Variants in WDR72 observed in about 807,000 individuals in gnomAD.
WDR72 encodes the protein WD repeat-containing protein 72.
WDR72 carries 120 observed loss-of-function variants against 124.2 expected under a neutral mutation model. The observed-to-expected ratio is 0.97, with a 90% CI of 0.83 to 1.12. WDR72 has a LOEUF of 1.12. Ranked by LOEUF, WDR72 falls within the 50% of genes most tolerant of loss-of-function variation. WDR72 has a pLI of 0.00. For missense variants in WDR72, 1,387 were observed against 1,278.8 expected (o/e 1.08, Z -1.29); for synonymous variants, 452 against 441.7 (o/e 1.02, Z -0.29).
At chr15:53,665,896 G>T in intron 13 of WDR72, 128 bp from the exon 14 acceptor site, 2 of 872,918 alleles carry the variant, frequency 2.3e-6, no homozygotes, top group Non-Finnish European at 3.6e-6. Context: ...TCTTGCAACT[G>T]AAAAATAGCC....
At chr15:53,741,607 T>C (rs1310050773) in intron 1 of WDR72, among the ~76,000 whole-genome samples, 2 of 152,310 alleles carry the variant, frequency 1.3e-5, no homozygotes. Context: ...TATTATGCTA[T>C]CATTATATTA....
intron 18 of WDR72, among the ~76,000 whole-genome samples, chr15:53,562,820 T>C (rs1894170771): frequency 6.6e-6 from 1 of 151,780 alleles, no homozygotes; most frequent in Admixed American, 6.6e-5. Context: ...TGGCAGGCAA[T>C]GCAGGTATTC....
In WDR72 at chr15:53,733,019, C is replaced by T. The variant is rs2018246692; in HGVS notation, c.131G>A (p.Trp44Ter). Residue 44 changes from tryptophan (W) to a stop codon, truncating the protein, a stop_gained, in exon 2 of 20, where the codon TGG becomes TAG. Coordinates refer to ENST00000360509, the MANE Select transcript of WDR72 (RefSeq NM_182758.4). LOFTEE classifies it high-confidence loss of function. ...TGSQEGQLCL[W>*]NLSHELKISA... ...AACCTTTAGTTCATGTGAGAGATTCCAGAGACAGAGCTGACCCTCTTGACT... is the reference window on the plus strand; with the variant it reads ...AACCTTTAGTTCATGTGAGAGATTCTAGAGACAGAGCTGACCCTCTTGACT... The T allele has an allele frequency of 4.3e-6, 7 of 1,613,836 alleles. No homozygotes were observed. The South Asian group carries it at 6.6e-5, about 15-fold the overall frequency.
At chr15:53,646,315 C>A (rs2015039671) in intron 14 of WDR72, among the ~76,000 whole-genome samples, 1 of 151,968 alleles carries the variant, frequency 6.6e-6, no homozygotes. Flanking sequence ...TATAAAACCC[C>A]CGTAACTCAT....
intron 14 of WDR72, among the ~76,000 whole-genome samples, chr15:53,649,287 C>T (rs2015149491): frequency 6.6e-6 from 1 of 151,996 alleles, no homozygotes; most frequent in Non-Finnish European, 1.5e-5. Flanking sequence ...GACTGTATGG[C>T]CCACAAAACC....
At chr15:53,624,310 G>T (rs1018183895) in intron 14 of WDR72, among the ~76,000 whole-genome samples, 4 of 152,180 alleles carry the variant, frequency 2.6e-5, no homozygotes, top group Non-Finnish European at 5.9e-5. Context: ...TCTTCAAGGG[G>T]TATTTAAGAA....
intron 18 of WDR72, among the ~76,000 whole-genome samples, chr15:53,569,978 A>G (rs1894450957): frequency 1.3e-5 from 2 of 152,124 alleles, no homozygotes; most frequent in Admixed American, 1.3e-4. Context: ...GTGAGGTCAT[A>G]GTCCATTAAA....
chr15:53,685,797 G>C (rs1354878220), intron 13 of WDR72, among the ~76,000 whole-genome samples: 2 of 147,614 alleles, frequency 1.4e-5, no homozygotes, highest in Non-Finnish European at 1.5e-5. Flanking sequence ...AAAATGTTAA[G>C]GGCAGCCAGA....
intron 1 of WDR72, among the ~76,000 whole-genome samples, chr15:53,757,888 A>G (rs1356131179): frequency 6.6e-6 from 1 of 152,214 alleles, no homozygotes; most frequent in Non-Finnish European, 1.5e-5. Context: ...TGTATAAACT[A>G]GAACGTCAGA....
At chr15:53,577,351 C>T (rs2011669778) in intron 18 of WDR72, among the ~76,000 whole-genome samples, 1 of 152,104 alleles carries the variant, frequency 6.6e-6, no homozygotes, top group Admixed American at 6.6e-5. Flanking sequence ...ATTCTAGGTT[C>T]TATCATTGAA....
intron 17 of WDR72, among the ~76,000 whole-genome samples, chr15:53,598,270 T>C (rs1377847865): frequency 1.7e-5 from 2 of 117,444 alleles, no homozygotes; most frequent in Non-Finnish European, 4.2e-5. Flanking sequence ...GCCTTTCATA[T>C]AGCCACATCC....
chr15:53,613,449 T>C lies in WDR72; in HGVS notation c.2872+217A>G, dbSNP rs1906401. Among the ~76,000 whole-genome samples, 20,511 of 152,110 alleles carry C rather than the reference T, an allele frequency of 0.13. 1,736 individuals are homozygous for C. The highest frequency in any genetic ancestry group is 0.22 in the East Asian group (1,148 of 5,168). On this transcript the variant is annotated intron_variant, in intron 16 of 19. Coordinates refer to ENST00000360509, the MANE Select transcript of WDR72 (RefSeq NM_182758.4). Reference sequence around the variant, plus strand: ...TCTATGTTTTTAAATGTTTTATAAATGTCACCCACCTTATTTTCTAAATGA... The same window carrying C: ...TCTATGTTTTTAAATGTTTTATAAACGTCACCCACCTTATTTTCTAAATGA...
intron 13 of WDR72, among the ~76,000 whole-genome samples, chr15:53,688,014 C>G (rs954395164): frequency 3.5e-4 from 51 of 146,806 alleles, no homozygotes; most frequent in Non-Finnish European, 4.0e-4. Context: ...ATTCAACAAC[C>G]CTTCATGCTA....
At chr15:53,540,014 A>G in intron 18 of WDR72, among the ~76,000 whole-genome samples, 1 of 152,230 alleles carries the variant, frequency 6.6e-6, no homozygotes, top group Non-Finnish European at 1.5e-5. Context: ...TGCAAACCAA[A>G]GAGCAATAAA....
chr15:53,715,416 C>T (rs1309312555), intron 4 of WDR72, 49 bp from the exon 5 acceptor site: 1 of 1,604,242 alleles, frequency 6.2e-7, no homozygotes. Context: ...CTAAAATTAA[C>T]ATAATTTGGC....
chr15:53,658,074 T>C (rs538796900), intron 14 of WDR72, among the ~76,000 whole-genome samples: 2 of 152,222 alleles, frequency 1.3e-5, no homozygotes, highest in Admixed American at 1.3e-4. Context: ...ACACTTTAGA[T>C]GAGGACTTAT....
chr15:53,644,077 A>G (rs1178014566), intron 14 of WDR72, among the ~76,000 whole-genome samples: 1 of 152,156 alleles, frequency 6.6e-6, no homozygotes. Flanking sequence ...TTCTATTGTG[A>G]TTTGATGAAA....
At chr15:53,732,855 T>G in intron 2 of WDR72, 142 bp downstream of exon 2, 1 of 1,000,012 alleles carries the variant, frequency 1.0e-6, no homozygotes. Context: ...TTCTCAAAAT[T>G]CAGAAGTAAA....
chr15:53,526,233 G>A (rs952750947), intron 18 of WDR72, among the ~76,000 whole-genome samples: 2 of 152,058 alleles, frequency 1.3e-5, no homozygotes, highest in African/African-American at 2.4e-5. Context: ...AGGAACACCG[G>A]AGAAGACATT....
Sources: gnomAD v4.1 joint callset for allele counts (sites outside exome capture counted in the v4.1 genomes callset) on GRCh38, gnomAD v4.1.1 for gene constraint, MANE v1.5 for transcripts, NCBI Gene and HGNC (gene_info 2026-07-23, HGNC 2026-07-21) for gene names.